Variants in URI1 observed in about 807,000 individuals in gnomAD.
The protein encoded by URI1 is URI1 prefoldin like chaperone.
In URI1, 39 loss-of-function variants were observed where a neutral mutation model predicts 60.2. The observed-to-expected ratio is 0.65, with a 90% CI of 0.50 to 0.85. URI1 has a LOEUF of 0.85. Among genes scored for constraint, URI1 ranks in the 40% least tolerant of loss-of-function variants. URI1 has a pLI of 0.00. For missense variants in URI1, 691 were observed against 665.9 expected, an observed-to-expected ratio of 1.04 and a Z score of -0.42; for synonymous variants, 251 against 236.8, an observed-to-expected ratio of 1.06 and a Z score of -0.55.
At chr19:29,957,465 C>T (rs1348558436) in intron 1 of URI1, among the ~76,000 whole-genome samples, 2 of 151,912 alleles carry the variant, frequency 1.3e-5, no homozygotes, top group Non-Finnish European at 2.9e-5. Context: ...TTGTGTGTAG[C>T]TCTGTTTCTC....
intron 7 of URI1, 93 bp downstream of exon 7, chr19:30,007,731 C>T: frequency 8.7e-7 from 1 of 1,153,484 alleles, no homozygotes; most frequent in Non-Finnish European, 1.2e-6. Context: ...AATATGTGTT[C>T]ATTGAAGAAA....
At chr19:29,998,425 C>T (rs1269500058) in intron 4 of URI1, among the ~76,000 whole-genome samples, 1 of 152,122 alleles carries the variant, frequency 6.6e-6, no homozygotes, top group Non-Finnish European at 1.5e-5. Context: ...ATTCATGTCT[C>T]CTCCAGCTAT....
At chr19:29,992,687 T>C (rs768369133) in intron 4 of URI1, among the ~76,000 whole-genome samples, 1 of 152,238 alleles carries the variant, frequency 6.6e-6, no homozygotes. Flanking sequence ...TGAGATTTGC[T>C]GAATTCTTTT....
rs1162591493 is a variant in URI1 at position 29,931,861 on chromosome 19, GTGT to G, written c.63+8110_63+8112del. Among the ~76,000 whole-genome samples, 5 of 149,824 alleles carry G rather than the reference GTGT, an allele frequency of 3.3e-5. No homozygotes were observed. The East Asian group carries it at 9.8e-4, about 30-fold the overall frequency. On this transcript the variant is annotated intron_variant, in intron 1 of 10. Coordinates refer to the URI1 transcript ENST00000360605. ...CTACTATATAGAAACTGATTCTTGTGTGTTGATTTTGTATCCTGCAGCTTTGCT... is the reference window on the plus strand; with the variant it reads ...CTACTATATAGAAACTGATTCTTGTGTGATTTTGTATCCTGCAGCTTTGCT...
At chr19:29,960,836 A>G (rs1245288639) in intron 1 of URI1, among the ~76,000 whole-genome samples, 2 of 152,118 alleles carry the variant, frequency 1.3e-5, no homozygotes, top group African/African-American at 4.8e-5. Context: ...TGTAGTAAAT[A>G]TAACAAAATT....
intron 1 of URI1, among the ~76,000 whole-genome samples, chr19:29,966,980 T>C (rs1230624946): frequency 1.3e-5 from 2 of 152,254 alleles, no homozygotes; most frequent in Admixed American, 1.3e-4. Flanking sequence ...TTAGGCTTTC[T>C]GTTCCAGTCT....
intron 1 of URI1, among the ~76,000 whole-genome samples, chr19:29,942,957 C>T (rs974061358): frequency 3.3e-5 from 5 of 152,196 alleles, no homozygotes; most frequent in African/African-American, 4.8e-5. Context: ...CGGAAGCGTT[C>T]GCCTTAATAT....
intron 10 of URI1, 72 bp from the exon 11 acceptor site, chr19:30,014,815 A>G (rs2056064675): frequency 7.0e-7 from 1 of 1,436,724 alleles, no homozygotes; most frequent in Non-Finnish European, 9.5e-7. Flanking sequence ...GAATTGCCAA[A>G]TGAGTGAATG....
At chr19:29,925,413 T>C (rs755335841) in intron 1 of URI1, 2 of 152,198 alleles carry the variant, frequency 1.3e-5, no homozygotes, top group Non-Finnish European at 2.9e-5. Flanking sequence ...GTGTGTGAGG[T>C]CCGCCCCTGC....
At chr19:29,968,524 CCTT>C (rs915966513) in intron 1 of URI1, among the ~76,000 whole-genome samples, 1 of 149,820 alleles carries the variant, frequency 6.7e-6, no homozygotes, top group African/African-American at 2.4e-5. Flanking sequence ...TTTTATAACA[CCTT>C]CTAAAATTTC....
At chr19:29,943,820 C>T (rs896268376) in intron 1 of URI1, among the ~76,000 whole-genome samples, 2 of 151,840 alleles carry the variant, frequency 1.3e-5, no homozygotes, top group Non-Finnish European at 2.9e-5. Flanking sequence ...GTTTGGAAGC[C>T]ATGTTTTCAA....
rs1375230050 is a variant in URI1, at chr19:30,015,629, C to G, written c.*560C>G. ...GAAAGCTACATGAATTAATTGTACT[C>G]TATGGGAAAATTTCTTTGGAAAGAT... On this transcript the variant is annotated 3_prime_UTR_variant, in exon 11 of 11. Transcript: ENST00000392271. 6.8e-7 allele frequency: 1 copy of G among 1,463,898 alleles called. No homozygotes were observed. Among genetic ancestry groups the G allele is most frequent in the Non-Finnish European group, 9.1e-7 (1 of 1,103,588 alleles). The allele number at this position is 1,463,898 out of a possible 1,614,324, so 90.7% of individuals were successfully genotyped here.
intron 1 of URI1, among the ~76,000 whole-genome samples, chr19:29,958,420 A>G (rs953090549): frequency 2.0e-5 from 3 of 152,306 alleles, no homozygotes; most frequent in Non-Finnish European, 4.4e-5. Flanking sequence ...TTTATCATTA[A>G]TGGATGCTGA....
intron 4 of URI1, among the ~76,000 whole-genome samples, chr19:29,986,727 T>C (rs757752876): frequency 1.1e-4 from 16 of 152,192 alleles, no homozygotes; most frequent in Non-Finnish European, 2.1e-4. Context: ...TTATACCTTA[T>C]AATTTTTTTT....
chr19:29,986,416 A>G lies in URI1; in HGVS notation c.366A>G (p.Glu122=). 6.2e-7 allele frequency: 1 copy of G among 1,605,194 alleles called. No homozygotes were observed. Residue 122 remains glutamate (E), a splice_region_variant and synonymous_variant, in exon 4 of 11, where the codon GAA becomes GAG. Transcript: ENST00000392271. ...QAVGLVEHRK[E]HVRKTIDDLK... is the part of the protein sequence containing the mutation. Reference sequence around the variant, plus strand: ...TAGGTTTAGTTGAGCACCGGAAAGAACGTAGGTACCCATTTTAAATGATGT... The same window carrying G: ...TAGGTTTAGTTGAGCACCGGAAAGAGCGTAGGTACCCATTTTAAATGATGT...
chr19:29,994,638 A>G (rs1274234518), intron 4 of URI1, among the ~76,000 whole-genome samples: 2 of 152,128 alleles, frequency 1.3e-5, no homozygotes, highest in African/African-American at 4.8e-5. Flanking sequence ...TTATTTTGTG[A>G]ATAATGTGAA....
At chr19:29,957,459 G>T (rs1198924690) in intron 1 of URI1, among the ~76,000 whole-genome samples, 1 of 152,004 alleles carries the variant, frequency 6.6e-6, no homozygotes, top group African/African-American at 2.4e-5. Context: ...GATTATTTGT[G>T]TGTAGCTCTG....
intron 1 of URI1, among the ~76,000 whole-genome samples, chr19:29,965,804 C>G (rs979807736): frequency 6.6e-6 from 1 of 151,834 alleles, no homozygotes; most frequent in African/African-American, 2.4e-5. Context: ...AAAAAAGAGC[C>G]CAGTTTGTAG....
At chr19:29,969,744 G>T (rs1379027029) in intron 1 of URI1, among the ~76,000 whole-genome samples, 1 of 152,026 alleles carries the variant, frequency 6.6e-6, no homozygotes, top group African/African-American at 2.4e-5. Flanking sequence ...TTTATGAAAA[G>T]GATTTCATGA....
Sources: gnomAD v4.1 joint callset for allele counts (sites outside exome capture counted in the v4.1 genomes callset) on GRCh38, gnomAD v4.1.1 for gene constraint, MANE v1.5 for transcripts, NCBI Gene and HGNC (gene_info 2026-07-23, HGNC 2026-07-21) for gene names.